SEMA3C: variants seen among roughly 807,000 people sequenced by gnomAD.
SEMA3C encodes semaphorin-3C.
In SEMA3C, 47 loss-of-function variants were observed where a neutral mutation model predicts 89.4. That is an observed-to-expected ratio of 0.53 (90% CI 0.42 to 0.67). SEMA3C has a LOEUF of 0.67. SEMA3C is among the 30% of genes least tolerant of loss of function. The pLI, the probability that SEMA3C is intolerant of heterozygous loss-of-function variation, is 0.00. For missense variants in SEMA3C, 839 were observed against 929.1 expected, an observed-to-expected ratio of 0.90 and a Z score of 1.26; for synonymous variants, 310 against 320.2, an observed-to-expected ratio of 0.97 and a Z score of 0.34.
chr7:80,867,719 T>TACACAC (rs10641992), intron 2 of SEMA3C, among the ~76,000 whole-genome samples: 5,045 of 149,796 alleles, frequency 0.034, 103 homozygotes, highest in South Asian at 0.056. Flanking sequence ...GTATAAATCA[T>TACACAC]ACACACACAC....
chr7:80,753,574 G>C lies in SEMA3C; in HGVS notation c.1644-2238C>G, dbSNP rs143689122. ...TGAGATCAGCAAGGCAGCCATCTGA[G>C]CATTTTTTATGTGTAGATTCCCTCC... On this transcript the variant is annotated intron_variant, in intron 15 of 17. Coordinates refer to ENST00000265361, the MANE Select transcript of SEMA3C (RefSeq NM_006379.5). Among the ~76,000 whole-genome samples the C allele has an allele frequency of 4.1e-3, 629 of 152,246 alleles. 6 individuals carry two copies. Among genetic ancestry groups the C allele is most frequent in the African/African-American group, 0.014 (595 of 41,548 alleles).
chr7:80,825,351 G>A (rs1224041112), intron 4 of SEMA3C, among the ~76,000 whole-genome samples: 2 of 152,050 alleles, frequency 1.3e-5, no homozygotes, highest in African/African-American at 2.4e-5. Flanking sequence ...CTGTCCAGCC[G>A]AGTCCTAAAA....
chr7:80,851,228 C>A (rs1163760292), intron 2 of SEMA3C, among the ~76,000 whole-genome samples: 1 of 152,098 alleles, frequency 6.6e-6, no homozygotes, highest in African/African-American at 2.4e-5. Flanking sequence ...GACATTCGGC[C>A]TGGCACGGTG....
At chr7:80,874,385 G>A (rs567494793) in intron 2 of SEMA3C, among the ~76,000 whole-genome samples, 1 of 152,218 alleles carries the variant, frequency 6.6e-6, no homozygotes, top group East Asian at 1.9e-4. Flanking sequence ...ATAAGTAATT[G>A]TTTTTACAGC....
chr7:80,794,600 C>T (rs1025049639), intron 11 of SEMA3C, among the ~76,000 whole-genome samples: 3 of 152,100 alleles, frequency 2.0e-5, no homozygotes, highest in Admixed American at 6.6e-5. Flanking sequence ...TGCATGTACC[C>T]GACCTGTCCA....
intron 16 of SEMA3C, among the ~76,000 whole-genome samples, chr7:80,750,808 C>T (rs983977583): frequency 6.6e-6 from 1 of 151,766 alleles, no homozygotes; most frequent in Non-Finnish European, 1.5e-5. Flanking sequence ...AATATCCAGA[C>T]GTGACTGGCA....
In SEMA3C at chr7:80,754,099, G is replaced by C. The variant is rs113093682; in HGVS notation, c.1644-2763C>G. On this transcript the variant is annotated intron_variant, in intron 15 of 17. Transcript: ENST00000265361. ...ATTACAGGCATGCGCCACCATGCCC[G>C]GCTAATTTTGTATTTTTAGTAGAGA... 0.018 allele frequency among the ~76,000 whole-genome samples: 2,721 copies of C among 152,154 alleles called. 180 individuals are homozygous for C. The East Asian group carries it at 0.23, about 13-fold the overall frequency.
intron 2 of SEMA3C, among the ~76,000 whole-genome samples, chr7:80,902,337 A>G (rs1202868896): frequency 6.6e-6 from 1 of 152,182 alleles, no homozygotes; most frequent in Non-Finnish European, 1.5e-5. Context: ...TAAGTACTCA[A>G]TTTGTGTTCT....
chr7:80,754,948 T>TTTTTTTTTTTGTTGTTTTTTTG (rs746451567), intron 15 of SEMA3C, among the ~76,000 whole-genome samples: 1 of 27,376 alleles, frequency 3.7e-5, no homozygotes, highest in East Asian at 4.5e-4. Flanking sequence ...TGGCGAATTG[T>TTTTTTTTTTTGTTGTTTTTTTG]TTTTTTTTGT....
intron 11 of SEMA3C, chr7:80,796,292 T>C (rs953948178): frequency 5.3e-5 from 8 of 152,204 alleles, no homozygotes; most frequent in African/African-American, 1.7e-4. Context: ...CAGCCTTTGA[T>C]ATATAACGGA....
intron 2 of SEMA3C, among the ~76,000 whole-genome samples, chr7:80,865,745 G>A (rs1020161046): frequency 1.3e-5 from 2 of 152,118 alleles, no homozygotes; most frequent in Non-Finnish European, 2.9e-5. Flanking sequence ...AGTGAGCAGA[G>A]ATCGCGCCAT....
At chr7:80,840,411 C>G (rs1004362142) in intron 2 of SEMA3C, among the ~76,000 whole-genome samples, 1 of 149,178 alleles carries the variant, frequency 6.7e-6, no homozygotes, top group Non-Finnish European at 1.5e-5. Context: ...CCCAGCTACT[C>G]AGGAGACTGA....
chr7:80,773,468 T>C (rs1788479428), intron 12 of SEMA3C, among the ~76,000 whole-genome samples: 1 of 152,178 alleles, frequency 6.6e-6, no homozygotes. Context: ...TAATTGATAC[T>C]AGAGTACTTT....
chr7:80,831,602 A>T (rs1283375575), intron 2 of SEMA3C, among the ~76,000 whole-genome samples: 2 of 152,186 alleles, frequency 1.3e-5, no homozygotes, highest in African/African-American at 4.8e-5. Flanking sequence ...CACAATAATA[A>T]AATAAGGCAT....
chr7:80,898,265 C>G (rs986468124), intron 2 of SEMA3C, among the ~76,000 whole-genome samples: 2 of 152,094 alleles, frequency 1.3e-5, no homozygotes, highest in African/African-American at 2.4e-5. Context: ...ACTCGGGAGG[C>G]TGGGGCAGGA....
At chr7:80,819,180 T>C (rs1789685450) in intron 4 of SEMA3C, among the ~76,000 whole-genome samples, 1 of 152,230 alleles carries the variant, frequency 6.6e-6, no homozygotes, top group Admixed American at 6.5e-5. Context: ...ACATTTTCCT[T>C]TCTGCTCCAT....
At chr7:80,845,408 A>G (rs2115901372) in intron 2 of SEMA3C, among the ~76,000 whole-genome samples, 1 of 152,118 alleles carries the variant, frequency 6.6e-6, no homozygotes, top group East Asian at 2.0e-4. Context: ...ATCTTCAAGG[A>G]GAGAGACAGC....
chr7:80,777,185 A>G (rs1435676586), intron 12 of SEMA3C, among the ~76,000 whole-genome samples: 1 of 152,202 alleles, frequency 6.6e-6, no homozygotes, highest in East Asian at 1.9e-4. Flanking sequence ...TCAATGTAAT[A>G]TAACTGATAA....
intron 2 of SEMA3C, among the ~76,000 whole-genome samples, chr7:80,911,684 A>G (rs1301992289): frequency 6.7e-6 from 1 of 150,178 alleles, no homozygotes; most frequent in Non-Finnish European, 1.5e-5. Flanking sequence ...CTCAGGCTGG[A>G]GTACAATGGC....
Sources: gnomAD v4.1 joint callset for allele counts (sites outside exome capture counted in the v4.1 genomes callset) on GRCh38, gnomAD v4.1.1 for gene constraint, MANE v1.5 for transcripts, NCBI Gene and HGNC (gene_info 2026-07-23, HGNC 2026-07-21) for gene names.